SLC35G1: variants seen among roughly 807,000 people sequenced by gnomAD.
The protein encoded by SLC35G1 is solute carrier family 35 member G1.
In SLC35G1, 10 loss-of-function variants were observed where a neutral mutation model predicts 17.1. That is an observed-to-expected ratio of 0.59 (90% CI 0.36 to 0.99). The LOEUF is 0.99. Among genes scored for constraint, SLC35G1 ranks in the 50% least tolerant of loss-of-function variants. The probability of loss-of-function intolerance (pLI) is 0.01; values close to 1 mark genes in which losing one functional copy is unlikely to be tolerated. For synonymous variants in SLC35G1, 185 were observed against 181.1 expected (o/e 1.02, Z -0.18); for missense variants, 433 against 468.4 (o/e 0.92, Z 0.70).
In SLC35G1 at chr10:93,901,663, T is replaced by C. The variant is rs541419508; in HGVS notation, c.*173T>C. ...TTTAGTTAAGAATAGCTAGTCTGTT[T>C]GGTGTAACAATTTTTTGGTAGCTTT... On this transcript the variant is annotated 3_prime_UTR_variant, in exon 3 of 3. Transcript: ENST00000427197. 2.8e-6 allele frequency: 2 copies of C among 718,618 alleles called. No homozygotes were observed. The highest frequency in any genetic ancestry group is 5.4e-5 in the South Asian group (1 of 18,512). The allele number at this position is 718,618 out of a possible 1,614,324, so 44.5% of individuals were successfully genotyped here.
At chr10:93,897,179 C>T (rs922897575) in intron 1 of SLC35G1, among the ~76,000 whole-genome samples, 2 of 152,114 alleles carry the variant, frequency 1.3e-5, no homozygotes, top group East Asian at 1.9e-4. Context: ...CAGCTGTGCA[C>T]CTAGAACAGG....
chr10:93,897,272 C>A (rs77959418), intron 1 of SLC35G1, among the ~76,000 whole-genome samples: 2,545 of 152,156 alleles, frequency 0.017, 32 homozygotes, highest in Middle Eastern at 0.037. Flanking sequence ...TACTTTGGTC[C>A]CAGTTTGCAA....
chr10:93,900,209 A>G (rs1432293267), intron 2 of SLC35G1, among the ~76,000 whole-genome samples: 1 of 152,204 alleles, frequency 6.6e-6, no homozygotes, highest in Admixed American at 6.5e-5. Flanking sequence ...CAATGACTAA[A>G]ATAAATTTTA....
Position 93,901,202 on chromosome 10 carries a change from C to A in SLC35G1, c.810C>A (p.Leu270=). The change falls in exon 3 of 3, where the codon CTC becomes CTA. Residue 270 remains leucine (L), a synonymous_variant. Transcript: ENST00000427197. ...GCCTCGTTGAAAGTGTCATCATCCT[C>A]TCTGTATTAGGAGAGTGGAGTCTGC... ...VLGLVESVII[L]SVLGEWSLPY... The A allele has an allele frequency of 6.2e-7, 1 of 1,614,104 alleles. No homozygotes were observed. Among genetic ancestry groups the A allele is most frequent in the Non-Finnish European group, 8.5e-7 (1 of 1,179,978 alleles).
At chr10:93,909,283 T>C (rs898461457) in exon 3 of SLC35G1, 2 of 152,158 alleles carry the variant, frequency 1.3e-5, no homozygotes, top group African/African-American at 4.8e-5. Context: ...AAGAGTCTTA[T>C]TCTCAAAACC....
chr10:93,897,879 C>T (rs555823287), intron 1 of SLC35G1, among the ~76,000 whole-genome samples: 3 of 152,274 alleles, frequency 2.0e-5, no homozygotes, highest in South Asian at 4.1e-4. Flanking sequence ...GAAGATAAGT[C>T]GTGAAAGCAT....
chr10:93,901,199 C>A lies in SLC35G1; in HGVS notation c.807C>A (p.Ile269=). Residue 269 remains isoleucine (I), a synonymous_variant, in exon 3 of 3, where the codon ATC becomes ATA. Coordinates refer to ENST00000427197, the MANE Select transcript of SLC35G1 (RefSeq NM_001134658.3). ...TTGGCCTCGTTGAAAGTGTCATCATCCTCTCTGTATTAGGAGAGTGGAGTC... is the reference window on the plus strand; with the variant it reads ...TTGGCCTCGTTGAAAGTGTCATCATACTCTCTGTATTAGGAGAGTGGAGTC... ...VVLGLVESVI[I]LSVLGEWSLP... is the part of the protein sequence containing the mutation. 1 of 1,614,098 alleles carries A rather than the reference C, an allele frequency of 6.2e-7. No homozygotes were observed. Among genetic ancestry groups the A allele is most frequent in the South Asian group, 1.1e-5 (1 of 91,076 alleles).
chr10:93,901,502 T>C lies in SLC35G1; in HGVS notation c.*12T>C. On this transcript the variant is annotated 3_prime_UTR_variant, in exon 3 of 3. Transcript: ENST00000427197. Reference sequence around the variant, plus strand: ...AAAGTTCCAAATGAAGCATCATTGCTGAAATACATATTTTTTTCAAGTACA... The same window carrying C: ...AAAGTTCCAAATGAAGCATCATTGCCGAAATACATATTTTTTTCAAGTACA... The C allele has an allele frequency of 6.4e-7, 1 of 1,568,118 alleles. No individual in the cohort carries two copies. Among genetic ancestry groups the C allele is most frequent in the East Asian group, 2.2e-5 (1 of 44,470 alleles).
downstream of SLC35G1, among the ~76,000 whole-genome samples, chr10:93,904,852 T>C (rs1265260365): frequency 5.3e-5 from 8 of 152,114 alleles, no homozygotes. Flanking sequence ...GAGTATTCAC[T>C]CTCCTCTTCA....
intron 1 of SLC35G1, among the ~76,000 whole-genome samples, chr10:93,896,097 C>T (rs1350102327): frequency 2.0e-5 from 3 of 151,818 alleles, no homozygotes; most frequent in African/African-American, 4.8e-5. Context: ...CTTACTCGAT[C>T]CTTTCATCTA....
chr10:93,904,040 T>TA (rs2060414303), downstream of SLC35G1, among the ~76,000 whole-genome samples: 1 of 152,216 alleles, frequency 6.6e-6, no homozygotes, highest in Non-Finnish European at 1.5e-5. Flanking sequence ...TCTTCTGTGT[T>TA]AGTGAGACCT....
Position 93,901,548 on chromosome 10 carries a change from A to G in SLC35G1, c.*58A>G, listed in dbSNP as rs2060385347. The stretch of plus-strand genomic sequence containing the variant: ...GTACACCATCACCTAATTCACATAC[A>G]GCATACGCACACATCTGGAAAATCT... On this transcript the variant is annotated 3_prime_UTR_variant, in exon 3 of 3. Transcript: ENST00000427197. 3 of 1,520,234 alleles carry G rather than the reference A, an allele frequency of 2.0e-6. No homozygotes were observed. The highest frequency in any genetic ancestry group is 2.3e-5 in the East Asian group (1 of 44,144). 94.2% of individuals were successfully genotyped at this position (1,520,234 alleles called of 1,614,324 possible).
chr10:93,898,139 A>G (rs886217805), intron 1 of SLC35G1, among the ~76,000 whole-genome samples: 3 of 152,206 alleles, frequency 2.0e-5, no homozygotes, highest in African/African-American at 7.2e-5. Context: ...GTATAACCCA[A>G]TTATAACCCA....
At position 93,901,038 on chromosome 10, in the gene SLC35G1, G is replaced by A. The variant is rs952290758; in HGVS notation, c.646G>A (p.Glu216Lys). 1 of 1,614,148 alleles carries A rather than the reference G, an allele frequency of 6.2e-7. No individual in the cohort carries two copies. The highest frequency in any genetic ancestry group is 1.7e-5 in the Admixed American group (1 of 60,014). The change falls in exon 3 of 3, where the codon GAA becomes AAA. Residue 216 changes from glutamate (E) to lysine (K), a missense_variant. Coordinates refer to ENST00000427197, the MANE Select transcript of SLC35G1 (RefSeq NM_001134658.3). ...TGGTTCCGACACTTCGGGGATGGAA[G>A]AAAGCTATTCAGGCCACCTTAAGGG... is the stretch of plus-strand genomic sequence containing the variant. ...LFGSDTSGME[E>K]SYSGHLKGTF...
At chr10:93,895,463 CTTAA>C (rs2060321251) in intron 1 of SLC35G1, among the ~76,000 whole-genome samples, 1 of 152,176 alleles carries the variant, frequency 6.6e-6, no homozygotes, top group Non-Finnish European at 1.5e-5. Flanking sequence ...CATGCAAACT[CTTAA>C]AGTTTCCCCT....
chr10:93,904,886 T>C (rs533317697), downstream of SLC35G1, among the ~76,000 whole-genome samples: 2 of 152,206 alleles, frequency 1.3e-5, no homozygotes, highest in Admixed American at 1.3e-4. Flanking sequence ...ACCAGAGTCC[T>C]TACTCCCGAG....
rs756336761 is a variant in SLC35G1, at chr10:93,900,789, C to T, written c.397C>T (p.Leu133Phe). The change falls in exon 3 of 3, where the codon CTC (leucine) becomes TTC (phenylalanine). Residue 133 changes from leucine (L) to phenylalanine (F), a missense_variant. Transcript: ENST00000427197. The stretch of plus-strand genomic sequence containing the variant: ...AGGCCCAAAAGGTCAACGAATTTTC[C>T]TCATTCTCAGAGGAGTCCTTGGTTC... The part of the protein sequence containing the change: ...FIGPKGQRIF[L>F]ILRGVLGSTA... The T allele has an allele frequency of 8.7e-6, 14 of 1,609,372 alleles. No homozygotes were observed. Among genetic ancestry groups the T allele is most frequent in the South Asian group, 7.7e-5 (7 of 90,590 alleles).
At chr10:93,906,321 T>G (rs551683701), downstream of SLC35G1, 1 of 152,242 alleles carries the variant, frequency 6.6e-6, no homozygotes, top group African/African-American at 2.4e-5. Context: ...GGAGAGGAAC[T>G]GAGGCCCTGA....
downstream of SLC35G1, among the ~76,000 whole-genome samples, chr10:93,905,325 G>T (rs922311452): frequency 5.3e-5 from 8 of 152,034 alleles, no homozygotes; most frequent in Non-Finnish European, 1.2e-4. Flanking sequence ...TTAGAATTTG[G>T]TTATATGGGT....
Sources: allele counts gnomAD v4.1 joint callset (sites outside exome capture counted in the v4.1 genomes callset), GRCh38; gene constraint gnomAD v4.1.1; transcripts MANE v1.5; gene names NCBI Gene and HGNC (gene_info 2026-07-23, HGNC 2026-07-21).